Variants in JAK3 observed in about 807,000 individuals in gnomAD.
JAK3 encodes the protein Janus kinase 3.
JAK3 carries 88 observed loss-of-function variants against 120.8 expected under a neutral mutation model. The observed-to-expected ratio is 0.73, with a 90% CI of 0.61 to 0.87. The LOEUF (loss-of-function observed/expected upper bound fraction) is 0.87. Among genes scored for constraint, JAK3 ranks in the 40% least tolerant of loss-of-function variants. JAK3 has a pLI of 0.00. For synonymous variants in JAK3, 592 were observed against 628.6 expected (o/e 0.94, Z 0.87); for missense variants, 1,254 against 1,501.4 (o/e 0.84, Z 2.72).
intron 1 of JAK3, among the ~76,000 whole-genome samples, chr19:17,845,668 C>T (rs547111229): frequency 2.6e-5 from 4 of 152,098 alleles, no homozygotes; most frequent in South Asian, 2.1e-4. Flanking sequence ...AGGATGCCTT[C>T]AGCTCTGCAA....
Position 17,832,817 on chromosome 19 carries a change from G to C in JAK3, c.2463C>G (p.His821Gln). 1 of 1,614,234 alleles carries C rather than the reference G, an allele frequency of 6.2e-7. No individual in the cohort carries two copies. The highest frequency in any genetic ancestry group is 8.5e-7 in the Non-Finnish European group (1 of 1,180,036). ...CQDPTIFEERHLKYISQLGKG... is the reference protein window; with the variant it reads ...CQDPTIFEERQLKYISQLGKG... ...TGCCCAGCTGTGAGATGTACTTGAG[G>C]TGTCTCTCCTCGAAGATCGTGGGGT... The change falls in exon 18 of 24, where the codon CAC (histidine) becomes CAG (glutamine). Residue 821 changes from histidine (H) to glutamine (Q), a missense_variant. This residue lies in a region of JAK3 where 630 missense variants were observed against 819.8 expected (regional missense o/e 0.77). Coordinates refer to ENST00000458235, the MANE Select transcript of JAK3 (RefSeq NM_000215.4). The surrounding 1 kb of genome is among the most constrained non-coding windows in gnomAD (Gnocchi z 4.7).
rs1045458257 is a variant in JAK3, at chr19:17,843,295, C to T, written c.420+85G>A. 3.3e-6 allele frequency: 5 copies of T among 1,524,182 alleles called. No individual in the cohort carries two copies. The highest frequency in any genetic ancestry group is 2.4e-5 in the South Asian group (2 of 83,834). The allele number at this position is 1,524,182 out of a possible 1,614,324, so 94.4% of individuals were successfully genotyped here. A position where few individuals can be genotyped will look rare whatever the true frequency, so the allele number is the denominator to read the frequency against. On this transcript the variant is annotated intron_variant, in intron 4 of 23. Coordinates refer to ENST00000458235, the MANE Select transcript of JAK3 (RefSeq NM_000215.4). This position sits in a 1 kb window ranked among gnomAD's most constrained non-coding sequence, Gnocchi z 5.4. ...CTGGACTGCCACAGGGAGGGTCAGA[C>T]GAGGCCCCACCTGATTGCATGCCAG...
rs780449308 is a variant in JAK3, at chr19:17,838,381, T to C, written c.1451A>G (p.Asn484Ser). 1 of 1,614,104 alleles carries C rather than the reference T, an allele frequency of 6.2e-7. No individual in the cohort carries two copies. Among genetic ancestry groups the C allele is most frequent in the Admixed American group, 1.7e-5 (1 of 60,012 alleles). The change falls in exon 11 of 24, where the codon AAC (asparagine) becomes AGC (serine). Residue 484 changes from asparagine to serine, a missense_variant. Physicochemically the swap from Asn to Ser is conservative, Grantham distance 46 (BLOSUM62 1). Transcript: ENST00000458235. ...CCIPRPKEKSNLIVVQRGHSP... is the reference protein window; with the variant it reads ...CCIPRPKEKSSLIVVQRGHSP... ...GTGACCTCTCTGGACCACGATCAGG[T>C]TGGACTTTTCTATGGGGAGAGGATG...
chr19:17,833,570 A>T (rs2147680082), intron 17 of JAK3, among the ~76,000 whole-genome samples: 1 of 145,194 alleles, frequency 6.9e-6, no homozygotes, highest in South Asian at 2.2e-4. Context: ...AAAAAAATCC[A>T]GCCTGGTGTG....
Position 17,840,408 on chromosome 19 carries a change from C to G in JAK3, c.1143-67G>C, listed in dbSNP as rs912664035. 5 of 1,045,422 alleles carry G rather than the reference C, an allele frequency of 4.8e-6. No individual in the cohort carries two copies. In the African/African-American group the frequency reaches 7.9e-5, roughly 16 times the overall value. 64.8% of individuals were successfully genotyped at this position (1,045,422 alleles called of 1,614,324 possible). On this transcript the variant is annotated intron_variant, in intron 8 of 23. Transcript: ENST00000458235. The stretch of plus-strand genomic sequence containing the variant: ...AGAAGAAGACAGAGAGACCTGGGCT[C>G]AAATTCAGGTACCTCTGTAGCCCTG...
Position 17,832,012 on chromosome 19 carries a change from C to G in JAK3, c.2681-214G>C, listed in dbSNP as rs983593306. Among the ~76,000 whole-genome samples the G allele has an allele frequency of 6.6e-6, 1 of 152,206 alleles. No homozygotes were observed. Among genetic ancestry groups the G allele is most frequent in the South Asian group, 2.1e-4 (1 of 4,834 alleles). On this transcript the variant is annotated intron_variant, in intron 19 of 23. Transcript: ENST00000458235. This position sits in a 1 kb window ranked among gnomAD's most constrained non-coding sequence, Gnocchi z 4.7. The stretch of plus-strand genomic sequence containing the variant: ...TATCACGGCCAGGTGCAGTGGCTCA[C>G]GCCTGTAATCCCAGCACTTTGGAAG...
intron 1 of JAK3, 45 bp downstream of exon 1, chr19:17,847,900 CT>C: frequency 1.1e-6 from 1 of 912,534 alleles, no homozygotes; most frequent in Non-Finnish European, 1.3e-6. Context: ...CACCACCATC[CT>C]CCCCCAGTGT....
chr19:17,842,891 G>A lies in JAK3; in HGVS notation c.566+136C>T. 4.8e-6 allele frequency: 6 copies of A among 1,243,312 alleles called. No individual in the cohort carries two copies. The South Asian group carries it at 5.0e-5, about 10-fold the overall frequency. 77.0% of individuals were successfully genotyped at this position (1,243,312 alleles called of 1,614,324 possible). A position where few individuals can be genotyped will look rare whatever the true frequency, so the allele number is the denominator to read the frequency against. ...CCTGGGGGTGGAGAGGGCTGGGTTCGTGGGAGGCCCTGGGTCATAGGAACA... is the reference window on the plus strand; with the variant it reads ...CCTGGGGGTGGAGAGGGCTGGGTTCATGGGAGGCCCTGGGTCATAGGAACA... On this transcript the variant is annotated intron_variant, in intron 5 of 23. Coordinates refer to ENST00000458235, the MANE Select transcript of JAK3 (RefSeq NM_000215.4). This position sits in a 1 kb window ranked among gnomAD's most constrained non-coding sequence, Gnocchi z 6.4.
At chr19:17,830,922 G>GGGGGCCAGCCCTGAGGGGC (rs2094213014) in intron 21 of JAK3, among the ~76,000 whole-genome samples, 1 of 141,276 alleles carries the variant, frequency 7.1e-6, no homozygotes, top group African/African-American at 2.7e-5. Context: ...GGAACTAAGA[G>GGGGGCCAGCCCTGAGGGGC]GGGGCCAGCC....
Position 17,840,229 on chromosome 19 carries a change from C to T in JAK3, c.1254+1G>A. ...ACTACCCACCCTAGCAGTAGACCGACCTGGACACAGACAGTGAGGAGGAAG... is the reference window on the plus strand; with the variant it reads ...ACTACCCACCCTAGCAGTAGACCGATCTGGACACAGACAGTGAGGAGGAAG... On this transcript the variant is annotated splice_donor_variant, in intron 9 of 23. Transcript: ENST00000458235. LOFTEE classifies it high-confidence loss of function. 1.9e-6 allele frequency: 3 copies of T among 1,610,954 alleles called. No homozygotes were observed. Among genetic ancestry groups the T allele is most frequent in the Admixed American group, 1.7e-5 (1 of 59,986 alleles).
Position 17,825,651 on chromosome 19 carries a change from C to T in JAK3, c.*1092G>A, listed in dbSNP as rs1162860101. Reference sequence around the variant, plus strand: ...GCGCAGTGGCTCATGCCTGTAATCCCAGCACTTTGGGAGGCCGAGACGGGC... The same window carrying T: ...GCGCAGTGGCTCATGCCTGTAATCCTAGCACTTTGGGAGGCCGAGACGGGC... On this transcript the variant is annotated 3_prime_UTR_variant, in exon 24 of 24. Transcript: ENST00000458235. 5.6e-6 allele frequency: 1 copy of T among 177,548 alleles called. No homozygotes were observed. Among genetic ancestry groups the T allele is most frequent in the Non-Finnish European group, 1.2e-5 (1 of 82,576 alleles). 11.0% of individuals were successfully genotyped at this position (177,548 alleles called of 1,614,324 possible).
Position 17,831,581 on chromosome 19 carries a change from A to C in JAK3, c.2805+93T>G. The C allele has an allele frequency of 6.5e-7, 1 of 1,528,086 alleles. No individual in the cohort carries two copies. Among genetic ancestry groups the C allele is most frequent in the African/African-American group, 1.4e-5 (1 of 72,610 alleles). 94.7% of individuals were successfully genotyped at this position (1,528,086 alleles called of 1,614,324 possible). A position where few individuals can be genotyped will look rare whatever the true frequency, so the allele number is the denominator to read the frequency against. On this transcript the variant is annotated intron_variant, in intron 20 of 23. Transcript: ENST00000458235. The surrounding 1 kb of genome is among the most constrained non-coding windows in gnomAD (Gnocchi z 5.1). The stretch of plus-strand genomic sequence containing the variant: ...ACCACTCCCGAGACCTGGACCCCAA[A>C]CCACTCCTCAGCCTTCACCGCGACC...
In JAK3 at chr19:17,826,830, G is replaced by A. The variant is rs199829487; in HGVS notation, c.3288C>T (p.Asp1096=). ...PSFSALGPQL[D]MLWSGSRGCE... ...ACCCCCGGCTTCCGCTCCACAGCATGTCCAGCTGGGGGCCCAGGGCGCTGA... is the reference window on the plus strand; with the variant it reads ...ACCCCCGGCTTCCGCTCCACAGCATATCCAGCTGGGGGCCCAGGGCGCTGA... Residue 1096 remains aspartate (D), a synonymous_variant, in exon 24 of 24, where the codon GAC becomes GAT. Coordinates refer to ENST00000458235, the MANE Select transcript of JAK3 (RefSeq NM_000215.4). 3 of 1,614,132 alleles carry A rather than the reference G, an allele frequency of 1.9e-6. No individual in the cohort carries two copies. The South Asian group carries it at 3.3e-5, about 18-fold the overall frequency.
At position 17,844,409 on chromosome 19, in the gene JAK3, A is replaced by G. The variant is rs761013654; in HGVS notation, c.9T>C (p.Pro3=). MA[P]PSEETPLIPQ... is the part of the protein sequence containing the mutation. ...GGATCAGGGGCGTCTCTTCACTTGG[A>G]GGTGCCATGAGTGCAACTTGCCTGG... The change falls in exon 2 of 24, where the codon CCT becomes CCC. Residue 3 remains proline (P), a synonymous_variant. Transcript: ENST00000458235. 1 of 1,610,016 alleles carries G rather than the reference A, an allele frequency of 6.2e-7. No homozygotes were observed. The highest frequency in any genetic ancestry group is 1.1e-5 in the South Asian group (1 of 90,422).
At chr19:17,840,426 T>A in intron 8 of JAK3, 85 bp from the exon 9 acceptor site, 1 of 904,196 alleles carries the variant, frequency 1.1e-6, no homozygotes, top group Non-Finnish European at 1.8e-6. Flanking sequence ...GGTACCTCTG[T>A]AGCCCTGGGA....
chr19:17,832,854 T>C lies in JAK3; in HGVS notation c.2426A>G (p.Tyr809Cys), dbSNP rs200149050. The change falls in exon 18 of 24, where the codon TAT becomes TGT. Residue 809 changes from tyrosine (Y) to cysteine (C), a missense_variant. Physicochemically the swap from Tyr to Cys is radical, Grantham distance 194. This residue lies in a region of JAK3 where 630 missense variants were observed against 819.8 expected (regional missense o/e 0.77). Transcript: ENST00000458235. The surrounding 1 kb of genome is among the most constrained non-coding windows in gnomAD (Gnocchi z 4.7). ...RDGLWNGAQL[Y>C]ACQDPTIFEE... The stretch of plus-strand genomic sequence containing the variant: ...GAAGATCGTGGGGTCTTGGCAGGCA[T>C]AGAGCTGGGCACCATTCCACAGCCC... 1.2e-6 allele frequency: 2 copies of C among 1,614,108 alleles called. No individual in the cohort carries two copies. Among genetic ancestry groups the C allele is most frequent in the South Asian group, 1.1e-5 (1 of 91,088 alleles).
Position 17,843,316 on chromosome 19 carries a change from G to T in JAK3, c.420+64C>A. ...CAGACGAGGCCCCACCTGATTGCAT[G>T]CCAGTCCTCATGTTGCCCCTTGGAC... On this transcript the variant is annotated intron_variant, in intron 4 of 23. Coordinates refer to ENST00000458235, the MANE Select transcript of JAK3 (RefSeq NM_000215.4). This position sits in a 1 kb window ranked among gnomAD's most constrained non-coding sequence, Gnocchi z 5.4. 1 of 1,513,922 alleles carries T rather than the reference G, an allele frequency of 6.6e-7. No homozygotes were observed. Among genetic ancestry groups the T allele is most frequent in the Non-Finnish European group, 9.0e-7 (1 of 1,113,264 alleles). The allele number at this position is 1,513,922 out of a possible 1,614,324, so 93.8% of individuals were successfully genotyped here.
chr19:17,841,033 T>C lies in JAK3; in HGVS notation c.1142+356A>G, dbSNP rs560622952. Among the ~76,000 whole-genome samples, 1 of 152,038 alleles carries C rather than the reference T, an allele frequency of 6.6e-6. No homozygotes were observed. Among genetic ancestry groups the C allele is most frequent in the South Asian group, 2.1e-4 (1 of 4,806 alleles). ...GGGTCTCTCCTGTTGCCTAGACTTG[T>C]CTCCAACTCCTGAGTTCAAACAATC... On this transcript the variant is annotated intron_variant, in intron 8 of 23. Coordinates refer to ENST00000458235, the MANE Select transcript of JAK3 (RefSeq NM_000215.4). This position sits in a 1 kb window ranked among gnomAD's most constrained non-coding sequence, Gnocchi z 4.1.
rs2094256284 is a variant in JAK3 at position 17,847,965 on chromosome 19, G to A, written c.-33C>T. ...TCTTACCTAGCGGGCAGGGACCCTG[G>A]ACTTTCGAAGGGCGGGCAGAGCCGG... On this transcript the variant is annotated 5_prime_UTR_variant, in exon 1 of 24. Coordinates refer to ENST00000458235, the MANE Select transcript of JAK3 (RefSeq NM_000215.4). 2 of 1,038,400 alleles carry A rather than the reference G, an allele frequency of 1.9e-6. No individual in the cohort carries two copies. Among genetic ancestry groups the A allele is most frequent in the South Asian group, 9.2e-5 (2 of 21,818 alleles). The allele number at this position is 1,038,400 out of a possible 1,614,324, so 64.3% of individuals were successfully genotyped here.
Sources: gnomAD v4.1 joint callset for allele counts (sites outside exome capture counted in the v4.1 genomes callset) on GRCh38, gnomAD v4.1.1 for gene constraint, gnomAD v4.1.1 regional missense constraint, Gnocchi (gnomAD v3.1) non-coding constraint, MANE v1.5 for transcripts, NCBI Gene and HGNC (gene_info 2026-07-23, HGNC 2026-07-21) for gene names.